The following MDGA2 variants were observed in gnomAD, a reference collection of about 807,000 sequenced individuals.
The protein encoded by MDGA2 is MAM domain-containing glycosylphosphatidylinositol anchor protein 2.
MDGA2 carries 40 observed loss-of-function variants against 117.8 expected under a neutral mutation model. That is an observed-to-expected ratio of 0.34 (90% CI 0.26 to 0.44). The LOEUF is 0.44. MDGA2 is among the 20% of genes least tolerant of loss of function. The pLI is 1.00. For synonymous variants in MDGA2, 452 were observed against 439.0 expected (o/e 1.03, Z -0.37); for missense variants, 1,123 against 1,250.6 (o/e 0.90, Z 1.54).
chr14:47,524,087 T>C (rs559573391), intron 1 of MDGA2, among the ~76,000 whole-genome samples: 100 of 152,298 alleles, frequency 6.6e-4, no homozygotes, highest in African/African-American at 2.3e-3. Flanking sequence ...TCTTTTCTAC[T>C]AGATGATAGT....
intron 15 of MDGA2, among the ~76,000 whole-genome samples, chr14:46,849,296 C>T (rs1880967702): frequency 6.6e-6 from 1 of 151,786 alleles, no homozygotes; most frequent in Non-Finnish European, 1.5e-5. Context: ...TTATTTGTTT[C>T]CTTTTAATTT....
At chr14:47,419,508 C>CTTA (rs1892536503) in intron 1 of MDGA2, among the ~76,000 whole-genome samples, 2 of 152,044 alleles carry the variant, frequency 1.3e-5, no homozygotes, top group Non-Finnish European at 1.5e-5. Flanking sequence ...CAGAACACAT[C>CTTA]TTAGCACATA....
chr14:47,197,424 A>G (rs963381885), intron 3 of MDGA2, among the ~76,000 whole-genome samples: 3 of 152,060 alleles, frequency 2.0e-5, no homozygotes, highest in Admixed American at 2.0e-4. Context: ...TCCGTGGCTC[A>G]CTAGATACCA....
intron 1 of MDGA2, among the ~76,000 whole-genome samples, chr14:47,660,705 T>C (rs529562038): frequency 2.6e-5 from 4 of 151,974 alleles, no homozygotes; most frequent in South Asian, 4.2e-4. Context: ...AGACCAGCGA[T>C]TGTTAATCAG....
At chr14:46,886,005 T>C (rs72676659) in intron 10 of MDGA2, among the ~76,000 whole-genome samples, 17,099 of 152,054 alleles carry the variant, frequency 0.11, 1,253 homozygotes, top group Admixed American at 0.17. Flanking sequence ...TCAAAAGACG[T>C]TTGCTATGCT....
chr14:47,301,279 A>C, intron 2 of MDGA2, 132 bp downstream of exon 2: 1 of 889,936 alleles, frequency 1.1e-6, no homozygotes, highest in South Asian at 1.8e-5. Flanking sequence ...TTACACACAC[A>C]CACACCCACA....
chr14:47,188,330 C>T (rs542897050), intron 3 of MDGA2, among the ~76,000 whole-genome samples: 99 of 152,308 alleles, frequency 6.5e-4, no homozygotes, highest in African/African-American at 2.2e-3. Flanking sequence ...TCCACTATTG[C>T]TCTCTTGCTT....
intron 1 of MDGA2, among the ~76,000 whole-genome samples, chr14:47,401,843 T>C (rs1296813015): frequency 6.6e-6 from 1 of 152,182 alleles, no homozygotes; most frequent in African/African-American, 2.4e-5. Flanking sequence ...ATGATGTCCA[T>C]TGAGTGGTAA....
chr14:47,187,210 C>T (rs1469336093), intron 3 of MDGA2, among the ~76,000 whole-genome samples: 1 of 151,766 alleles, frequency 6.6e-6, no homozygotes, highest in Admixed American at 6.6e-5. Flanking sequence ...GCTTCCAGGA[C>T]ACTAAACTTT....
chr14:47,322,034 T>G (rs1212881690), intron 1 of MDGA2, among the ~76,000 whole-genome samples: 1 of 152,156 alleles, frequency 6.6e-6, no homozygotes, highest in Non-Finnish European at 1.5e-5. Flanking sequence ...TTAAAAATAC[T>G]CAACTTCAAA....
chr14:47,651,745 A>T (rs1254085107), intron 1 of MDGA2, among the ~76,000 whole-genome samples: 1 of 152,088 alleles, frequency 6.6e-6, no homozygotes, highest in Non-Finnish European at 1.5e-5. Flanking sequence ...GCAGTGGTAC[A>T]TCTGAGATCT....
chr14:47,040,762 C>T (rs186073705), intron 7 of MDGA2, among the ~76,000 whole-genome samples: 6 of 152,296 alleles, frequency 3.9e-5, no homozygotes, highest in East Asian at 1.9e-4. Context: ...CTACACACTA[C>T]GTTGTATGTT....
intron 1 of MDGA2, among the ~76,000 whole-genome samples, chr14:47,653,313 T>C (rs534004000): frequency 6.6e-6 from 1 of 152,274 alleles, no homozygotes; most frequent in Non-Finnish European, 1.5e-5. Flanking sequence ...TTTGCTGAGA[T>C]CTATGGCTGA....
intron 3 of MDGA2, among the ~76,000 whole-genome samples, chr14:47,186,413 T>C (rs1056975003): frequency 6.6e-6 from 1 of 151,824 alleles, no homozygotes. Context: ...ATATCAAATT[T>C]CTTATAAACC....
intron 5 of MDGA2, among the ~76,000 whole-genome samples, chr14:47,123,439 C>G (rs1881749017): frequency 1.3e-5 from 2 of 151,928 alleles, no homozygotes; most frequent in Admixed American, 6.6e-5. Flanking sequence ...TTATCATCAT[C>G]TATATTTTTA....
At chr14:47,655,341 G>T (rs7151286) in intron 1 of MDGA2, among the ~76,000 whole-genome samples, 9,819 of 152,124 alleles carry the variant, frequency 0.065, 1,055 homozygotes, top group African/African-American at 0.22. Flanking sequence ...ACAGCAGTAC[G>T]CATCTTCCAT....
intron 1 of MDGA2, among the ~76,000 whole-genome samples, chr14:47,377,793 A>G (rs2416059): frequency 0.54 from 82,242 of 152,040 alleles, 22,395 homozygotes; most frequent in Middle Eastern, 0.67. Flanking sequence ...GGGGCAGGGC[A>G]TAGCTGAACA....
At chr14:47,409,616 A>C (rs1892330162) in intron 1 of MDGA2, among the ~76,000 whole-genome samples, 1 of 152,172 alleles carries the variant, frequency 6.6e-6, no homozygotes, top group Non-Finnish European at 1.5e-5. Flanking sequence ...CAGTTTTCTA[A>C]GAAGAGTTAT....
At chr14:46,974,429 G>C (rs1228062520) in intron 8 of MDGA2, among the ~76,000 whole-genome samples, 9 of 151,772 alleles carry the variant, frequency 5.9e-5, no homozygotes, top group Non-Finnish European at 1.3e-4. Flanking sequence ...AACAAATCTT[G>C]AAAAACAAAA....
Sources: gnomAD v4.1 joint callset for allele counts (sites outside exome capture counted in the v4.1 genomes callset) on GRCh38, gnomAD v4.1.1 for gene constraint, MANE v1.5 for transcripts, NCBI Gene and HGNC (gene_info 2026-07-23, HGNC 2026-07-21) for gene names.